The following ATP10B variants were observed in gnomAD, a reference collection of about 807,000 sequenced individuals.
ATP10B encodes ATPase phospholipid transporting 10B (putative), also known as phospholipid-transporting ATPase VB.
ATP10B carries 122 observed loss-of-function variants against 141.2 expected under a neutral mutation model. That is an observed-to-expected ratio of 0.86 (90% confidence interval 0.75 to 1.00). ATP10B has a LOEUF of 1.00. Ranked by LOEUF, ATP10B falls within the 50% of genes least tolerant of loss-of-function variation. The pLI, the probability that ATP10B is intolerant of heterozygous loss-of-function variation, is 0.00. For missense variants in ATP10B, 1,876 were observed against 1,825.3 expected, an observed-to-expected ratio of 1.03 and a Z score of -0.51; for synonymous variants, 685 against 692.0, an observed-to-expected ratio of 0.99 and a Z score of 0.16.
chr5:160,811,650 T>C (rs1773160113), intron 1 of ATP10B, among the ~76,000 whole-genome samples: 1 of 152,132 alleles, frequency 6.6e-6, no homozygotes, highest in East Asian at 1.9e-4. Flanking sequence ...CTGTGTCCCA[T>C]GGTTTGAGTG....
chr5:160,817,299 A>C (rs1354692699), intron 1 of ATP10B, among the ~76,000 whole-genome samples: 1 of 152,106 alleles, frequency 6.6e-6, no homozygotes, highest in African/African-American at 2.4e-5. Flanking sequence ...GGCAACTTCA[A>C]CAGTCTCAGG....
chr5:160,634,263 G>C, intron 12 of ATP10B, 91 bp downstream of exon 12: 1 of 1,575,172 alleles, frequency 6.3e-7, no homozygotes, highest in Non-Finnish European at 8.7e-7. Flanking sequence ...CTCTAAGAGA[G>C]CCAGGAGAAT....
chr5:160,920,335 T>C, the ATP10B span, among the ~76,000 whole-genome samples: 1 of 152,344 alleles, frequency 6.6e-6, no homozygotes, highest in Admixed American at 6.5e-5. Context: ...GGTACATGTT[T>C]TGGTGTAGAG....
the ATP10B span, among the ~76,000 whole-genome samples, chr5:160,898,595 C>G: frequency 6.6e-6 from 1 of 152,152 alleles, no homozygotes. Context: ...GACGATTCCT[C>G]AAGGATCTAG....
intron 2 of ATP10B, among the ~76,000 whole-genome samples, chr5:160,738,504 C>T (rs182207771): frequency 2.1e-4 from 32 of 150,474 alleles, no homozygotes; most frequent in African/African-American, 5.8e-4. Context: ...AAAATTGATA[C>T]GCCACTATTT....
chr5:160,818,265 A>G (rs1156418298), intron 1 of ATP10B, among the ~76,000 whole-genome samples: 1 of 152,232 alleles, frequency 6.6e-6, no homozygotes, highest in East Asian at 1.9e-4. Context: ...CAAGGGGCTA[A>G]TATGCAGAAT....
At chr5:160,642,746 C>T (rs1759968403) in intron 9 of ATP10B, among the ~76,000 whole-genome samples, 1 of 152,200 alleles carries the variant, frequency 6.6e-6, no homozygotes, top group Non-Finnish European at 1.5e-5. Context: ...GCCCTTTTCA[C>T]AGATAATCTC....
At chr5:160,624,825 C>T (rs958374570) in intron 13 of ATP10B, among the ~76,000 whole-genome samples, 1 of 152,236 alleles carries the variant, frequency 6.6e-6, no homozygotes, top group Non-Finnish European at 1.5e-5. Flanking sequence ...AGAGCTCAGA[C>T]TCCTGAACTG....
At position 160,717,018 on chromosome 5, in the gene ATP10B, A is replaced by G; in HGVS notation, c.-314T>C. 1.0e-6 allele frequency: 1 copy of G among 985,470 alleles called. No individual in the cohort carries two copies. The highest frequency in any genetic ancestry group is 1.2e-6 in the Non-Finnish European group (1 of 829,924). The allele number at this position is 985,470 out of a possible 1,614,324, so 61.0% of individuals were successfully genotyped here. ...ACTTTAGCTGGGCAAATTGTTGATCAGAATAAATTGCAAGTTCTGTAAGCA... is the reference window on the plus strand; with the variant it reads ...ACTTTAGCTGGGCAAATTGTTGATCGGAATAAATTGCAAGTTCTGTAAGCA... On this transcript the variant is annotated 5_prime_UTR_variant, in exon 3 of 26. Transcript: ENST00000327245.
At chr5:160,772,190 C>T (rs1049715802) in intron 2 of ATP10B, among the ~76,000 whole-genome samples, 2 of 152,194 alleles carry the variant, frequency 1.3e-5, no homozygotes, top group Admixed American at 1.3e-4. Flanking sequence ...TTTTGAGGAA[C>T]CTCCATACAG....
At chr5:160,842,173 A>T (rs1775849165) in intron 1 of ATP10B, among the ~76,000 whole-genome samples, 1 of 152,236 alleles carries the variant, frequency 6.6e-6, no homozygotes, top group Non-Finnish European at 1.5e-5. Context: ...TAACCAAAGG[A>T]TAACTAAAAA....
chr5:160,722,688 C>T (rs2127783401), intron 2 of ATP10B, among the ~76,000 whole-genome samples: 1 of 152,318 alleles, frequency 6.6e-6, no homozygotes, highest in Middle Eastern at 3.4e-3. Flanking sequence ...CATCTGCCAT[C>T]ACTGGGAACA....
At chr5:160,655,224 AAAGTT>A (rs1761399152) in intron 7 of ATP10B, among the ~76,000 whole-genome samples, 1 of 152,240 alleles carries the variant, frequency 6.6e-6, no homozygotes, top group African/African-American at 2.4e-5. Context: ...GGTAAGGGTT[AAAGTT>A]AAGGCATTAA....
chr5:160,818,231 A>C (rs894307414), intron 1 of ATP10B, among the ~76,000 whole-genome samples: 14 of 152,322 alleles, frequency 9.2e-5, no homozygotes, highest in Non-Finnish European at 1.8e-4. Flanking sequence ...AATGGGAGAA[A>C]ATTTTTGCAA....
chr5:160,921,639 T>C, the ATP10B span, among the ~76,000 whole-genome samples: 1 of 152,248 alleles, frequency 6.6e-6, no homozygotes, highest in Non-Finnish European at 1.5e-5. Flanking sequence ...ATACTCATTG[T>C]CCCATTAAAG....
chr5:160,885,985 G>C, the ATP10B span, among the ~76,000 whole-genome samples: 2 of 152,154 alleles, frequency 1.3e-5, no homozygotes, highest in Admixed American at 1.3e-4. Flanking sequence ...AACAATAGGT[G>C]ATCAATATAT....
intron 2 of ATP10B, among the ~76,000 whole-genome samples, chr5:160,771,327 C>A (rs1466644375): frequency 2.0e-5 from 3 of 152,150 alleles, no homozygotes; most frequent in African/African-American, 7.2e-5. Flanking sequence ...TAAATACTGT[C>A]TAATAATACA....
At chr5:160,890,455 G>T in the ATP10B span, among the ~76,000 whole-genome samples, 1 of 152,044 alleles carries the variant, frequency 6.6e-6, no homozygotes, top group African/African-American at 2.4e-5. Flanking sequence ...ATTCCCCTTT[G>T]CCCAGTCCCT....
At chr5:160,618,720 A>AT (rs897791445) in intron 15 of ATP10B, among the ~76,000 whole-genome samples, 3 of 152,208 alleles carry the variant, frequency 2.0e-5, no homozygotes, top group Non-Finnish European at 4.4e-5. Context: ...TATAATAAGA[A>AT]TTTTTCAGCC....
Sources: allele counts gnomAD v4.1 joint callset (sites outside exome capture counted in the v4.1 genomes callset), GRCh38; gene constraint gnomAD v4.1.1; transcripts MANE v1.5; gene names NCBI Gene and HGNC (gene_info 2026-07-23, HGNC 2026-07-21).